Variants in LRP1B observed in about 807,000 individuals in gnomAD.
LRP1B encodes LDL receptor related protein 1B, also known as low-density lipoprotein receptor-related protein 1B.
Under a neutral mutation model 556.6 loss-of-function variants are expected in LRP1B, and 217 were observed. The observed-to-expected ratio is 0.39, with a 90% CI of 0.35 to 0.44. LRP1B has a LOEUF of 0.44. Ranked by LOEUF, LRP1B falls within the 20% of genes least tolerant of loss-of-function variation. The pLI is 1.00. For synonymous variants in LRP1B, 2,047 were observed against 1,865.8 expected (o/e 1.10, Z -2.50); for missense variants, 5,053 against 5,620.8 (o/e 0.90, Z 3.23).
In LRP1B at chr2:141,962,918, T is replaced by C. The variant is rs573734107; in HGVS notation, c.83-152517A>G. Among the ~76,000 whole-genome samples the C allele has an allele frequency of 7.2e-5, 11 of 151,950 alleles. No homozygotes were observed. In the South Asian group the frequency reaches 2.3e-3, roughly 32 times the overall value. On this transcript the variant is annotated intron_variant, in intron 1 of 90. Transcript: ENST00000389484. ...GCCATTACATATGCATTTTTCATAC[T>C]CTTTTCAGGACCTGGAATAGCATCC...
intron 2 of LRP1B, among the ~76,000 whole-genome samples, chr2:141,738,178 G>A (rs1301207963): frequency 6.6e-6 from 1 of 151,874 alleles, no homozygotes; most frequent in Non-Finnish European, 1.5e-5. Context: ...TATAATATTA[G>A]CCCATATATT....
At chr2:140,320,401 G>A (rs1680041867) in intron 82 of LRP1B, among the ~76,000 whole-genome samples, 1 of 152,256 alleles carries the variant, frequency 6.6e-6, no homozygotes, top group South Asian at 2.1e-4. Context: ...GTAACCTTCA[G>A]CAGAGAACAA....
rs753366628 is a variant in LRP1B, at chr2:140,868,205, T to C, written c.4228A>G (p.Ser1410Gly). The change falls in exon 26 of 91, where the codon AGT becomes GGT. Residue 1410 changes from serine (S) to glycine (G), a missense_variant. Around this residue, in one of 5 missense-constraint regions of LRP1B, gnomAD observed 3,619 missense variants for 3,931.9 expected, o/e 0.92. Coordinates refer to ENST00000389484, the MANE Select transcript of LRP1B (RefSeq NM_018557.3). ...NFPRIESASMSGAGRKTIYKD... is the reference protein window; with the variant it reads ...NFPRIESASMGGAGRKTIYKD... ...TAGATGGTTTTTCTCCCAGCACCACTCATAGAGGCAGATTCAATGCGAGGA... is the reference window on the plus strand; with the variant it reads ...TAGATGGTTTTTCTCCCAGCACCACCCATAGAGGCAGATTCAATGCGAGGA... 6.2e-7 allele frequency: 1 copy of C among 1,604,106 alleles called. No individual in the cohort carries two copies. The highest frequency in any genetic ancestry group is 1.1e-5 in the South Asian group (1 of 90,222).
intron 2 of LRP1B, among the ~76,000 whole-genome samples, chr2:141,584,371 G>A (rs1355956624): frequency 6.6e-6 from 1 of 152,092 alleles, no homozygotes; most frequent in African/African-American, 2.4e-5. Context: ...GTCTCTTATA[G>A]AATAGAAAGG....
chr2:140,784,300 A>G (rs532586950), intron 32 of LRP1B, among the ~76,000 whole-genome samples: 2 of 151,512 alleles, frequency 1.3e-5, no homozygotes, highest in East Asian at 3.9e-4. Context: ...CATGTGAGAT[A>G]TTAAAAGGTT....
At chr2:141,413,858 GAC>G (rs1166992579) in intron 3 of LRP1B, among the ~76,000 whole-genome samples, 1 of 151,522 alleles carries the variant, frequency 6.6e-6, no homozygotes, top group African/African-American at 2.4e-5. Context: ...CAACCTGGGT[GAC>G]ACAGTGAGGA....
intron 2 of LRP1B, among the ~76,000 whole-genome samples, chr2:141,709,084 C>T (rs1024339127): frequency 6.6e-6 from 1 of 152,094 alleles, no homozygotes; most frequent in Non-Finnish European, 1.5e-5. Flanking sequence ...GGTGTGGTGG[C>T]TCGTGCTTGT....
chr2:141,122,524 G>A (rs1285249565), intron 7 of LRP1B, among the ~76,000 whole-genome samples: 1 of 151,918 alleles, frequency 6.6e-6, no homozygotes, highest in African/African-American at 2.4e-5. Context: ...GGCCATCAGA[G>A]AAATGCAAAT....
intron 6 of LRP1B, among the ~76,000 whole-genome samples, chr2:141,199,354 T>C (rs900346300): frequency 4.6e-5 from 7 of 152,148 alleles, no homozygotes; most frequent in African/African-American, 1.7e-4. Flanking sequence ...TATTTGTGTA[T>C]TTTTTTCTTC....
intron 7 of LRP1B, among the ~76,000 whole-genome samples, chr2:141,177,922 GCAGC>G (rs1416770545): frequency 6.6e-6 from 1 of 152,092 alleles, no homozygotes; most frequent in Non-Finnish European, 1.5e-5. Context: ...TGACCTCAAA[GCAGC>G]CACCTATAAA....
intron 7 of LRP1B, among the ~76,000 whole-genome samples, chr2:141,149,885 C>T (rs1312404308): frequency 2.6e-5 from 4 of 152,222 alleles, no homozygotes; most frequent in Non-Finnish European, 5.9e-5. Context: ...TTCTCCAACA[C>T]AGAATTTCTC....
chr2:140,487,492 T>C, intron 58 of LRP1B, 125 bp downstream of exon 58: 1 of 803,532 alleles, frequency 1.2e-6, no homozygotes, highest in Non-Finnish European at 2.0e-6. Flanking sequence ...ACTATACAAA[T>C]GTGAAATTGA....
At chr2:142,104,323 C>T (rs1706674198) in intron 1 of LRP1B, among the ~76,000 whole-genome samples, 1 of 152,098 alleles carries the variant, frequency 6.6e-6, no homozygotes, top group Admixed American at 6.6e-5. Context: ...AAAGGAAGCT[C>T]TCACAATACT....
intron 1 of LRP1B, among the ~76,000 whole-genome samples, chr2:142,130,172 C>A (rs1707801854): frequency 1.3e-5 from 2 of 152,206 alleles, no homozygotes. Context: ...GGGCCTGAAT[C>A]GGCGCTTTCG....
chr2:142,032,031 C>T (rs1397804810), intron 1 of LRP1B, among the ~76,000 whole-genome samples: 2 of 151,862 alleles, frequency 1.3e-5, no homozygotes, highest in African/African-American at 4.8e-5. Context: ...TCTGAGGGAG[C>T]ATGGCCCTGC....
chr2:141,950,144 G>A (rs1701067967), intron 1 of LRP1B, among the ~76,000 whole-genome samples: 1 of 151,996 alleles, frequency 6.6e-6, no homozygotes, highest in South Asian at 2.1e-4. Flanking sequence ...TATAATATTT[G>A]TTTATAATTC....
intron 68 of LRP1B, among the ~76,000 whole-genome samples, chr2:140,374,901 T>C (rs1362627835): frequency 6.6e-6 from 1 of 152,108 alleles, no homozygotes; most frequent in Non-Finnish European, 1.5e-5. Context: ...TTTAGCCATA[T>C]AAAATATTGT....
chr2:140,693,299 T>C (rs1365829911), intron 41 of LRP1B, among the ~76,000 whole-genome samples: 1 of 152,206 alleles, frequency 6.6e-6, no homozygotes, highest in Non-Finnish European at 1.5e-5. Flanking sequence ...TGCAGTTTCA[T>C]TAAAATATCA....
chr2:140,746,415 T>C (rs573508577), intron 35 of LRP1B, among the ~76,000 whole-genome samples: 23 of 152,268 alleles, frequency 1.5e-4, no homozygotes, highest in African/African-American at 4.6e-4. Flanking sequence ...CGAATCAAAA[T>C]GTAATTTTGC....
Sources: allele counts gnomAD v4.1 joint callset (sites outside exome capture counted in the v4.1 genomes callset), GRCh38; gene constraint gnomAD v4.1.1; regional missense constraint gnomAD v4.1.1; transcripts MANE v1.5; gene names NCBI Gene and HGNC (gene_info 2026-07-23, HGNC 2026-07-21).